The following CPNE2 variants were observed in gnomAD, a reference collection of about 807,000 sequenced individuals.
CPNE2 encodes copine-2.
CPNE2 carries 42 observed loss-of-function variants against 69.7 expected under a neutral mutation model. The observed-to-expected ratio is 0.60, with a 90% CI of 0.47 to 0.78. The LOEUF is 0.78. Ranked by LOEUF, CPNE2 falls within the 30% of genes least tolerant of loss-of-function variation. CPNE2 has a pLI of 0.00. For missense variants in CPNE2, 587 were observed against 732.0 expected (o/e 0.80, Z 2.29); for synonymous variants, 294 against 289.8 (o/e 1.01, Z -0.15).
At chr16:57,103,576 G>C (rs2069629225) in intron 1 of CPNE2, among the ~76,000 whole-genome samples, 1 of 152,162 alleles carries the variant, frequency 6.6e-6, no homozygotes, top group Admixed American at 6.5e-5. Context: ...GCCACCTCAG[G>C]CCTGCCCTTC....
At chr16:57,145,443 CTTAT>C (rs1597509274) in intron 14 of CPNE2, among the ~76,000 whole-genome samples, 1 of 152,246 alleles carries the variant, frequency 6.6e-6, no homozygotes, top group Non-Finnish European at 1.5e-5. Flanking sequence ...CTCAAATCCA[CTTAT>C]TTGTCAGCAG....
intron 4 of CPNE2, 136 bp from the exon 5 acceptor site, chr16:57,117,360 T>C (rs1410335710): frequency 1.3e-6 from 1 of 769,232 alleles, no homozygotes; most frequent in African/African-American, 1.8e-5. Context: ...GACAAGAGAT[T>C]TGTCCAAGGT....
intron 6 of CPNE2, 39 bp downstream of exon 6, chr16:57,119,317 C>T: frequency 6.3e-7 from 1 of 1,588,744 alleles, no homozygotes; most frequent in African/African-American, 1.3e-5. Flanking sequence ...AAGCAGTGGG[C>T]CTGCAGTCCA....
At chr16:57,128,486 C>T (rs951033712) in intron 12 of CPNE2, among the ~76,000 whole-genome samples, 6 of 152,170 alleles carry the variant, frequency 3.9e-5, no homozygotes, top group Non-Finnish European at 7.3e-5. Context: ...CTCAGCCTCC[C>T]GAAGTGCTAG....
At chr16:57,117,366 A>G in intron 4 of CPNE2, 130 bp from the exon 5 acceptor site, 1 of 838,432 alleles carries the variant, frequency 1.2e-6, no homozygotes, top group Non-Finnish European at 1.9e-6. Context: ...AGATTTGTCC[A>G]AGGTCACCTG....
intron 10 of CPNE2, 103 bp downstream of exon 10, chr16:57,123,576 C>A: frequency 8.0e-7 from 1 of 1,254,588 alleles, no homozygotes; most frequent in Middle Eastern, 2.2e-4. Flanking sequence ...GGGTAGACTT[C>A]AGGAAGGACT....
intron 1 of CPNE2, among the ~76,000 whole-genome samples, chr16:57,104,555 C>G (rs569378899): frequency 6.6e-6 from 1 of 152,178 alleles, no homozygotes; most frequent in Non-Finnish European, 1.5e-5. Flanking sequence ...ATGATGGAGC[C>G]TGCCTGACGA....
chr16:57,113,932 C>T (rs1286994538), intron 3 of CPNE2, among the ~76,000 whole-genome samples: 1 of 152,252 alleles, frequency 6.6e-6, no homozygotes, highest in Non-Finnish European at 1.5e-5. Flanking sequence ...TCAATCATTC[C>T]TTATGGCTGT....
rs148905838 is a variant in CPNE2, at chr16:57,112,965, G to C, written c.181-323G>C. ...GCCTTGTCCTCCATCTCTTACCCAG[G>C]CAGGGGCAGGGCCTGAGCTCTTACC... On this transcript the variant is annotated intron_variant, in intron 2 of 15. Coordinates refer to ENST00000290776, the MANE Select transcript of CPNE2 (RefSeq NM_152727.6). 362 of 224,742 alleles carry C rather than the reference G, an allele frequency of 1.6e-3. 1 individual carries two copies. Among genetic ancestry groups the C allele is most frequent in the African/African-American group, 7.5e-3 (332 of 44,198 alleles). 13.9% of individuals were successfully genotyped at this position (224,742 alleles called of 1,614,324 possible).
Position 57,137,194 on chromosome 16 carries a change from T to G in CPNE2, c.1214T>G (p.Ile405Ser). Residue 405 changes from isoleucine to serine, a missense_variant, in exon 14 of 16, where the codon ATC becomes AGC. By Grantham distance (142) the Ile-to-Ser change is moderately radical. Around this residue, in one of 5 missense-constraint regions of CPNE2, gnomAD observed 185 missense variants for 252.3 expected, o/e 0.73. Coordinates refer to ENST00000290776, the MANE Select transcript of CPNE2 (RefSeq NM_152727.6). ...GCGTACTCAGCTTGCCTGCCCCACA[T>G]CCGCTTCTACGGTCCTACCAATTTC... ...AQAYSACLPH[I>S]RFYGPTNFSP... 6.2e-7 allele frequency: 1 copy of G among 1,614,184 alleles called. No homozygotes were observed. Among genetic ancestry groups the G allele is most frequent in the Non-Finnish European group, 8.5e-7 (1 of 1,180,032 alleles).
Position 57,147,709 on chromosome 16 carries a change from G to A in CPNE2, c.*51G>A, listed in dbSNP as rs377616115. 7.9e-7 allele frequency: 1 copy of A among 1,261,780 alleles called. No individual in the cohort carries two copies. The highest frequency in any genetic ancestry group is 1.5e-5 in the African/African-American group (1 of 67,260). 78.2% of individuals were successfully genotyped at this position (1,261,780 alleles called of 1,614,324 possible). On this transcript the variant is annotated 3_prime_UTR_variant, in exon 16 of 16. Transcript: ENST00000290776. ...CAGCTGAGCCTCCTGCCCTCCCCCA[G>A]GAACATGCACGCTCACTCTGCTTCC...
chr16:57,145,825 G>A, intron 14 of CPNE2: 1 of 516,590 alleles, frequency 1.9e-6, no homozygotes, highest in Non-Finnish European at 3.5e-6. Flanking sequence ...CCAAGGGGGA[G>A]TCTAAGATAA....
chr16:57,095,912 T>C (rs1321082815), intron 1 of CPNE2, among the ~76,000 whole-genome samples: 1 of 152,230 alleles, frequency 6.6e-6, no homozygotes, highest in African/African-American at 2.4e-5. Flanking sequence ...AACCATCTTC[T>C]TTACTCATTG....
At chr16:57,132,859 G>A (rs1376564449) in intron 12 of CPNE2, among the ~76,000 whole-genome samples, 1 of 151,974 alleles carries the variant, frequency 6.6e-6, no homozygotes, top group Non-Finnish European at 1.5e-5. Flanking sequence ...CAACCTCTGG[G>A]GCCTCTGGGG....
intron 14 of CPNE2, chr16:57,145,608 C>T (rs1287007220): frequency 2.6e-5 from 5 of 195,052 alleles, no homozygotes; most frequent in Non-Finnish European, 4.3e-5. Flanking sequence ...CAGAGCAGCC[C>T]ATCAGCCAGA....
In CPNE2 at chr16:57,146,605, C is replaced by G; in HGVS notation, c.1539+284C>G. ...GGCAGGGCTTCCTGGAGGACCTGCC[C>G]TCTAGTGGGGTCTGATGAGAGGCTG... On this transcript the variant is annotated intron_variant, in intron 15 of 15. Transcript: ENST00000290776. This position sits in a 1 kb window ranked among gnomAD's most constrained non-coding sequence, Gnocchi z 4.4. The G allele has an allele frequency of 4.5e-6, 2 of 440,622 alleles. No individual in the cohort carries two copies. Among genetic ancestry groups the G allele is most frequent in the South Asian group, 5.0e-5 (2 of 40,316 alleles). 27.3% of individuals were successfully genotyped at this position (440,622 alleles called of 1,614,324 possible).
intron 6 of CPNE2, 141 bp downstream of exon 6, chr16:57,119,419 C>A: frequency 1.8e-6 from 2 of 1,119,774 alleles, no homozygotes; most frequent in Non-Finnish European, 2.7e-6. Context: ...ATGCTTCCTC[C>A]CAGCCACAGG....
At chr16:57,110,232 T>A (rs1157272817) in intron 1 of CPNE2, among the ~76,000 whole-genome samples, 1 of 149,938 alleles carries the variant, frequency 6.7e-6, no homozygotes, top group East Asian at 1.9e-4. Context: ...TTCTTTTTTT[T>A]TTTTTTTTTT....
At chr16:57,139,205 C>T in intron 14 of CPNE2, among the ~76,000 whole-genome samples, 1 of 151,928 alleles carries the variant, frequency 6.6e-6, no homozygotes, top group East Asian at 1.9e-4. Context: ...GAGATGGAAT[C>T]ATAGGGGGTC....
Sources: allele counts gnomAD v4.1 joint callset (sites outside exome capture counted in the v4.1 genomes callset), GRCh38; gene constraint gnomAD v4.1.1; regional missense constraint gnomAD v4.1.1; non-coding constraint Gnocchi (gnomAD v3.1); transcripts MANE v1.5; gene names NCBI Gene and HGNC (gene_info 2026-07-23, HGNC 2026-07-21).